CHRNA3: variants seen among roughly 807,000 people sequenced by gnomAD.
CHRNA3 encodes cholinergic receptor nicotinic alpha 3 subunit.
CHRNA3 carries 34 observed loss-of-function variants against 41.9 expected under a neutral mutation model. That is an observed-to-expected ratio of 0.81 (90% CI 0.62 to 1.08). The LOEUF is 1.08. Ranked by LOEUF, CHRNA3 falls within the 50% of genes least tolerant of loss-of-function variation. The probability of loss-of-function intolerance (pLI) is 0.00; values close to 1 mark genes in which losing one functional copy is unlikely to be tolerated. For synonymous variants in CHRNA3, 281 were observed against 265.2 expected, an observed-to-expected ratio of 1.06 and a Z score of -0.58; for missense variants, 542 against 638.3, an observed-to-expected ratio of 0.85 and a Z score of 1.63.
chr15:78,607,881 T>A (rs796870163), intron 4 of CHRNA3, among the ~76,000 whole-genome samples: 22 of 152,288 alleles, frequency 1.4e-4, no homozygotes, highest in African/African-American at 5.1e-4. Context: ...AATACTGCAC[T>A]TTTCCAACGG....
chr15:78,602,426 C>T (rs1432145991), intron 4 of CHRNA3, among the ~76,000 whole-genome samples, 162 bp from the exon 5 acceptor site: 3 of 152,144 alleles, frequency 2.0e-5, no homozygotes, highest in African/African-American at 7.2e-5. Flanking sequence ...CCCCATTTAC[C>T]AACAGGGATA....
In CHRNA3 at chr15:78,595,383, T is replaced by C. The variant is rs1244908358; in HGVS notation, c.*1221A>G. On this transcript the variant is annotated 3_prime_UTR_variant, in exon 6 of 6. Transcript: ENST00000326828. Reference sequence around the variant, plus strand: ...ATTCAAACAGTCTCTGTGAATCATCTGTCAGTGGTGATGATCACGTTAAGT... The same window carrying C: ...ATTCAAACAGTCTCTGTGAATCATCCGTCAGTGGTGATGATCACGTTAAGT... 1.0e-6 allele frequency: 1 copy of C among 982,062 alleles called. No homozygotes were observed. 60.8% of individuals were successfully genotyped at this position (982,062 alleles called of 1,614,324 possible).
At chr15:78,605,555 G>C (rs899962444) in intron 4 of CHRNA3, among the ~76,000 whole-genome samples, 1 of 152,162 alleles carries the variant, frequency 6.6e-6, no homozygotes, top group Non-Finnish European at 1.5e-5. Context: ...GGGGAACAAT[G>C]GAACAGAGAG....
chr15:78,617,906 T>C (rs2053489250), intron 3 of CHRNA3, among the ~76,000 whole-genome samples: 1 of 152,038 alleles, frequency 6.6e-6, no homozygotes, highest in African/African-American at 2.4e-5. Flanking sequence ...AACAGGAAAA[T>C]CTACTCCCAC....
intron 4 of CHRNA3, among the ~76,000 whole-genome samples, chr15:78,615,787 G>A (rs2053452504): frequency 6.9e-6 from 1 of 145,008 alleles, no homozygotes; most frequent in Non-Finnish European, 1.5e-5. Flanking sequence ...TGTCACCCAG[G>A]CTGGAGTACA....
In CHRNA3 at chr15:78,601,724, C is replaced by G. The variant is rs1374666127; in HGVS notation, c.918G>C (p.Glu306Asp). 1 of 1,614,022 alleles carries G rather than the reference C, an allele frequency of 6.2e-7. No individual in the cohort carries two copies. Among genetic ancestry groups the G allele is most frequent in the African/African-American group, 1.3e-5 (1 of 74,900 alleles). ...CAAAAATCATGGTGAACAGGAGGTACTCTCCAATCAGGGGGATGACCAGCG... is the reference window on the plus strand; with the variant it reads ...CAAAAATCATGGTGAACAGGAGGTAGTCTCCAATCAGGGGGATGACCAGCG... ...STSLVIPLIG[E>D]YLLFTMIFVT... Residue 306 changes from glutamate (E) to aspartate (D), a missense_variant, in exon 5 of 6, where the codon GAG becomes GAC. Physicochemically the swap from Glu to Asp is conservative, Grantham distance 45. Transcript: ENST00000326828.
At chr15:78,606,333 CA>C (rs56305942) in intron 4 of CHRNA3, among the ~76,000 whole-genome samples, 58,118 of 127,182 alleles carry the variant, frequency 0.46, 12,696 homozygotes, top group East Asian at 0.64. Context: ...GAAGATGTCT[CA>C]AAAAAAAAAA....
In CHRNA3 at chr15:78,601,334, A is replaced by G; in HGVS notation, c.1308T>C (p.Ala436=). ...TGGCTTCTTTGATTTCTGGTGACAA[A>G]GCAGAGAGGGACAGCACAGCATCAA... ...ESVDAVLSLS[A]LSPEIKEAIQ... Residue 436 remains alanine (A), a synonymous_variant, in exon 5 of 6, where the codon GCT becomes GCC. Transcript: ENST00000326828. 6.2e-7 allele frequency: 1 copy of G among 1,614,200 alleles called. No homozygotes were observed. Among genetic ancestry groups the G allele is most frequent in the Non-Finnish European group, 8.5e-7 (1 of 1,180,030 alleles).
At chr15:78,616,707 A>G (rs2053467767) in intron 4 of CHRNA3, among the ~76,000 whole-genome samples, 1 of 151,938 alleles carries the variant, frequency 6.6e-6, no homozygotes, top group African/African-American at 2.4e-5. Context: ...CCTCTGCTCC[A>G]TCTCCCTGTC....
intron 4 of CHRNA3, among the ~76,000 whole-genome samples, chr15:78,608,026 C>T (rs1002032419): frequency 9.8e-5 from 15 of 152,300 alleles, no homozygotes; most frequent in South Asian, 2.1e-4. Flanking sequence ...GGGGGAGGGG[C>T]GCCTGCCATT....
chr15:78,602,387 A>C (rs1818055484), intron 4 of CHRNA3, 123 bp from the exon 5 acceptor site: 2 of 1,136,026 alleles, frequency 1.8e-6, no homozygotes, highest in Non-Finnish European at 2.5e-6. Flanking sequence ...TGAGAGCTAA[A>C]GTGCCATAAA....
chr15:78,616,038 G>A (rs1046091357), intron 4 of CHRNA3, among the ~76,000 whole-genome samples: 3 of 148,186 alleles, frequency 2.0e-5, no homozygotes, highest in African/African-American at 7.4e-5. Flanking sequence ...CACCATGCCT[G>A]GCCAAACACC....
At chr15:78,594,393 A>G (rs2053065016), downstream of CHRNA3, 3 of 152,070 alleles carry the variant, frequency 2.0e-5, no homozygotes, top group Admixed American at 2.0e-4. Flanking sequence ...AAACATATTT[A>G]GGGCCGGGGG....
chr15:78,606,043 G>C (rs2053281248), intron 4 of CHRNA3, among the ~76,000 whole-genome samples: 1 of 152,094 alleles, frequency 6.6e-6, no homozygotes, highest in South Asian at 2.1e-4. Flanking sequence ...AACACAAACT[G>C]GGTACAGCAG....
At chr15:78,611,901 T>A (rs1244417204) in intron 4 of CHRNA3, among the ~76,000 whole-genome samples, 2 of 151,958 alleles carry the variant, frequency 1.3e-5, no homozygotes, top group African/African-American at 4.8e-5. Flanking sequence ...TGTACAAAAA[T>A]CACAAGCATT....
chr15:78,605,854 G>C (rs1369316887), intron 4 of CHRNA3, among the ~76,000 whole-genome samples: 1 of 152,214 alleles, frequency 6.6e-6, no homozygotes, highest in Non-Finnish European at 1.5e-5. Flanking sequence ...GTGCGGTCAT[G>C]TCATGACTGA....
chr15:78,615,433 C>G (rs1333728482), intron 4 of CHRNA3, among the ~76,000 whole-genome samples: 1 of 152,200 alleles, frequency 6.6e-6, no homozygotes, highest in Non-Finnish European at 1.5e-5. Flanking sequence ...CCCAAAGCCA[C>G]AGTGGATGGC....
intron 4 of CHRNA3, among the ~76,000 whole-genome samples, chr15:78,614,641 A>G (rs1032865485): frequency 6.6e-6 from 1 of 152,244 alleles, no homozygotes; most frequent in African/African-American, 2.4e-5. Context: ...ATAAAAACCT[A>G]GAAGTATTCT....
chr15:78,596,400 C>G lies in CHRNA3; in HGVS notation c.*204G>C, dbSNP rs1938214782. The G allele has an allele frequency of 2.4e-6, 3 of 1,235,032 alleles. No homozygotes were observed. Among genetic ancestry groups the G allele is most frequent in the Non-Finnish European group, 2.0e-6 (2 of 987,862 alleles). The allele number at this position is 1,235,032 out of a possible 1,614,324, so 76.5% of individuals were successfully genotyped here. On this transcript the variant is annotated 3_prime_UTR_variant, in exon 6 of 6. Transcript: ENST00000326828. Reference sequence around the variant, plus strand: ...ACATCTCTTTACCATACCAAAAAGGCTAGTTAAATGTTCATTTATCGGTAA... The same window carrying G: ...ACATCTCTTTACCATACCAAAAAGGGTAGTTAAATGTTCATTTATCGGTAA...
Sources: gnomAD v4.1 joint callset for allele counts (sites outside exome capture counted in the v4.1 genomes callset) on GRCh38, gnomAD v4.1.1 for gene constraint, MANE v1.5 for transcripts, NCBI Gene and HGNC (gene_info 2026-07-23, HGNC 2026-07-21) for gene names.